The following CYP19A1 variants were observed in gnomAD, a reference collection of about 807,000 sequenced individuals.
CYP19A1 encodes aromatase.
In CYP19A1, 32 loss-of-function variants were observed where a neutral mutation model predicts 44.4. The observed-to-expected ratio is 0.72, with a 90% CI of 0.54 to 0.97. The LOEUF (loss-of-function observed/expected upper bound fraction) is 0.97, where lower values mean the gene tolerates loss of function less well. Among genes scored for constraint, CYP19A1 ranks in the 50% least tolerant of loss-of-function variants. The probability of loss-of-function intolerance (pLI) is 0.00; values close to 1 mark genes in which losing one functional copy is unlikely to be tolerated. For synonymous variants in CYP19A1, 212 were observed against 215.6 expected (o/e 0.98, Z 0.14); for missense variants, 598 against 637.8 (o/e 0.94, Z 0.67).
chr15:51,256,231 G>A (rs569940804), intron 1 of CYP19A1, among the ~76,000 whole-genome samples: 173 of 152,264 alleles, frequency 1.1e-3, no homozygotes, highest in Non-Finnish European at 1.6e-3. Flanking sequence ...ATCTGAAATG[G>A]AAAAAATAAG....
At position 51,209,295 on chromosome 15, in the gene CYP19A1, T is replaced by C. The variant is rs1221492213; in HGVS notation, c.*1513A>G. The C allele has an allele frequency of 6.6e-6, 1 of 152,134 alleles. No homozygotes were observed. The highest frequency in any genetic ancestry group is 1.5e-5 in the Non-Finnish European group (1 of 68,004). The allele number at this position is 152,134 out of a possible 1,614,324, so 9.4% of individuals were successfully genotyped here. A position where few individuals can be genotyped will look rare whatever the true frequency, so the allele number is the denominator to read the frequency against. Reference sequence around the variant, plus strand: ...CAGGAATGTCTATTCAGAACTGAGCTTGGGAGTGAATACAGGGAGACAGGA... The same window carrying C: ...CAGGAATGTCTATTCAGAACTGAGCCTGGGAGTGAATACAGGGAGACAGGA... On this transcript the variant is annotated 3_prime_UTR_variant, in exon 10 of 10. Coordinates refer to ENST00000396402, the MANE Select transcript of CYP19A1 (RefSeq NM_000103.4).
At position 51,215,140 on chromosome 15, in the gene CYP19A1, G is replaced by T. The variant is rs1566870553; in HGVS notation, c.951C>A (p.Phe317Leu). ...APDTMSVSLF[F>L]MLFLIAKHPN... ...GGTGCTTTGCAATGAGAAATAGCAT[G>T]AAGAACAAAGAGACAGACATGGTGT... The change falls in exon 8 of 10, where the codon TTC (phenylalanine) becomes TTA (leucine). Residue 317 changes from phenylalanine (F) to leucine (L), a missense_variant. Phe to Leu is a conservative substitution (Grantham distance 22). Transcript: ENST00000396402. The T allele has an allele frequency of 6.2e-7, 1 of 1,614,050 alleles. No homozygotes were observed. The highest frequency in any genetic ancestry group is 8.5e-7 in the Non-Finnish European group (1 of 1,179,986).
chr15:51,289,647 G>A (rs1302417976), intron 1 of CYP19A1, among the ~76,000 whole-genome samples: 1 of 152,144 alleles, frequency 6.6e-6, no homozygotes, highest in Non-Finnish European at 1.5e-5. Flanking sequence ...CAGGGTTCCT[G>A]GGCATCCTCT....
Position 51,262,628 on chromosome 15 carries a change from C to T in CYP19A1, c.-38-19678G>A, listed in dbSNP as rs540860715. On this transcript the variant is annotated intron_variant, in intron 1 of 9. Coordinates refer to ENST00000396402, the MANE Select transcript of CYP19A1 (RefSeq NM_000103.4). ...TCACAGACTTGAGGCCTCCTCACTC[C>T]CCCAGTGCTAGGGTTATTGATATAC... Among the ~76,000 whole-genome samples, 9 of 152,316 alleles carry T rather than the reference C, an allele frequency of 5.9e-5. No homozygotes were observed. In the East Asian group the frequency reaches 1.7e-3, roughly 29 times the overall value.
chr15:51,334,300 T>G (rs1257498621), intron 1 of CYP19A1, among the ~76,000 whole-genome samples: 1 of 152,188 alleles, frequency 6.6e-6, no homozygotes, highest in African/African-American at 2.4e-5. Flanking sequence ...AATGTGACCT[T>G]GGGCAGATCA....
At chr15:51,238,789 A>G (rs2033569809) in intron 2 of CYP19A1, among the ~76,000 whole-genome samples, 1 of 152,218 alleles carries the variant, frequency 6.6e-6, no homozygotes, top group Non-Finnish European at 1.5e-5. Context: ...CCAGAAGAGA[A>G]CCAGAGTTTT....
At chr15:51,234,921 G>A (rs572438951) in intron 3 of CYP19A1, among the ~76,000 whole-genome samples, 1 of 152,294 alleles carries the variant, frequency 6.6e-6, no homozygotes, top group South Asian at 2.1e-4. Flanking sequence ...GCAGCAGGTA[G>A]ATATCCTTCT....
At chr15:51,251,557 A>G (rs953735829) in intron 1 of CYP19A1, among the ~76,000 whole-genome samples, 3 of 152,236 alleles carry the variant, frequency 2.0e-5, no homozygotes, top group African/African-American at 7.2e-5. Flanking sequence ...CACACCCAGT[A>G]AGTGCTCAGT....
chr15:51,213,842 A>T (rs2031282995), intron 8 of CYP19A1, among the ~76,000 whole-genome samples: 1 of 152,158 alleles, frequency 6.6e-6, no homozygotes, highest in Non-Finnish European at 1.5e-5. Context: ...GAGCCCCGTG[A>T]GTGCAGGGGT....
At chr15:51,324,345 T>TTAAGTTAA (rs1473961209) in intron 1 of CYP19A1, among the ~76,000 whole-genome samples, 1 of 152,240 alleles carries the variant, frequency 6.6e-6, no homozygotes, top group African/African-American at 2.4e-5. Context: ...ATAATAACAA[T>TTAAGTTAA]TTGTTCCCAA....
intron 1 of CYP19A1, among the ~76,000 whole-genome samples, chr15:51,322,622 C>A (rs28973138): frequency 6.6e-6 from 1 of 152,292 alleles, no homozygotes; most frequent in African/African-American, 2.4e-5. Context: ...TTAGGAAGAG[C>A]CCTTGTCATA....
intron 1 of CYP19A1, 175 bp from the exon 2 acceptor site, chr15:51,243,125 A>G: frequency 3.5e-6 from 2 of 571,642 alleles, no homozygotes; most frequent in South Asian, 3.8e-5. Flanking sequence ...AGCCCAAGAA[A>G]GATCTTTTGG....
intron 1 of CYP19A1, among the ~76,000 whole-genome samples, chr15:51,282,309 G>A (rs2035546840): frequency 6.6e-6 from 1 of 152,186 alleles, no homozygotes; most frequent in South Asian, 2.1e-4. Flanking sequence ...ATAATGTCCA[G>A]GGCTCAGTGC....
chr15:51,218,806 T>G, intron 5 of CYP19A1, 151 bp from the exon 6 acceptor site: 2 of 1,437,116 alleles, frequency 1.4e-6, no homozygotes, highest in Non-Finnish European at 1.9e-6. Context: ...TCAGTAGGAG[T>G]TTTAGCCACG....
chr15:51,241,401 G>T (rs1006816532), intron 2 of CYP19A1, among the ~76,000 whole-genome samples: 1 of 152,208 alleles, frequency 6.6e-6, no homozygotes, highest in East Asian at 1.9e-4. Context: ...AGACTTAAAA[G>T]CTTGAGAACC....
At chr15:51,247,441 C>A (rs958773143) in intron 1 of CYP19A1, among the ~76,000 whole-genome samples, 2 of 150,566 alleles carry the variant, frequency 1.3e-5, no homozygotes, top group Admixed American at 6.6e-5. Flanking sequence ...CCTTCTCCCC[C>A]TGTCCTTACT....
In CYP19A1 at chr15:51,218,532, A is replaced by C. The variant is rs1595675358; in HGVS notation, c.743+9T>G. 1 of 1,610,080 alleles carries C rather than the reference A, an allele frequency of 6.2e-7. No individual in the cohort carries two copies. Among genetic ancestry groups the C allele is most frequent in the Non-Finnish European group, 8.5e-7 (1 of 1,177,942 alleles). ...GTACTCATAAATCTTCCAAAGTTGTATTACTTACACAGACTTCTCATACTT... is the reference window on the plus strand; with the variant it reads ...GTACTCATAAATCTTCCAAAGTTGTCTTACTTACACAGACTTCTCATACTT... On this transcript the variant is annotated intron_variant, in intron 6 of 9. Coordinates refer to ENST00000396402, the MANE Select transcript of CYP19A1 (RefSeq NM_000103.4).
chr15:51,282,264 G>A (rs1239563725), intron 1 of CYP19A1, among the ~76,000 whole-genome samples: 1 of 152,054 alleles, frequency 6.6e-6, no homozygotes, highest in Admixed American at 6.5e-5. Context: ...CTGAGTGTTG[G>A]GAAAAAAAGC....
At chr15:51,268,472 CCA>C (rs932213444) in intron 1 of CYP19A1, among the ~76,000 whole-genome samples, 23 of 151,980 alleles carry the variant, frequency 1.5e-4, no homozygotes, top group African/African-American at 5.6e-4. Flanking sequence ...CATAGCTATG[CCA>C]CAGTTTACCC....
Sources: allele counts gnomAD v4.1 joint callset (sites outside exome capture counted in the v4.1 genomes callset), GRCh38; gene constraint gnomAD v4.1.1; transcripts MANE v1.5; gene names NCBI Gene and HGNC (gene_info 2026-07-23, HGNC 2026-07-21).